The following PTPRN2 variants were observed in gnomAD, a reference collection of about 807,000 sequenced individuals.
PTPRN2 encodes protein tyrosine phosphatase receptor type N2.
PTPRN2 carries 74 observed loss-of-function variants against 118.8 expected under a neutral mutation model. The observed-to-expected ratio is 0.62, with a 90% CI of 0.52 to 0.76. PTPRN2 has a LOEUF of 0.76. Among genes scored for constraint, PTPRN2 ranks in the 30% least tolerant of loss-of-function variants. PTPRN2 has a pLI of 0.00. For missense variants in PTPRN2, 1,481 were observed against 1,394.4 expected (o/e 1.06, Z -0.99); for synonymous variants, 641 against 608.0 (o/e 1.05, Z -0.80).
At chr7:157,642,825 A>AAAAAAC (rs1182238298) in intron 14 of PTPRN2, among the ~76,000 whole-genome samples, 50 of 137,962 alleles carry the variant, frequency 3.6e-4, no homozygotes, top group Admixed American at 5.7e-4. Flanking sequence ...AAAAAAAAAA[A>AAAAAAC]AAAAAAAAAA....
At chr7:158,428,418 C>G (rs1815915614) in intron 2 of PTPRN2, among the ~76,000 whole-genome samples, 3 of 152,160 alleles carry the variant, frequency 2.0e-5, no homozygotes, top group Non-Finnish European at 2.9e-5. Context: ...TGCCACCGCA[C>G]AGAAACTGCA....
At chr7:158,111,265 T>C (rs533700778) in intron 9 of PTPRN2, among the ~76,000 whole-genome samples, 2 of 152,260 alleles carry the variant, frequency 1.3e-5, no homozygotes, top group African/African-American at 4.8e-5. Context: ...GGAGAAAGCA[T>C]CTGTTTTTAA....
At chr7:158,146,707 C>T (rs184314080) in intron 6 of PTPRN2, among the ~76,000 whole-genome samples, 7,630 of 132,598 alleles carry the variant, frequency 0.058, 534 homozygotes, top group African/African-American at 0.11. Flanking sequence ...GGCGACAGAG[C>T]GAGACTCTGC....
chr7:157,779,651 C>T lies in PTPRN2; in HGVS notation c.1789-96714G>A, dbSNP rs1259810366. On this transcript the variant is annotated intron_variant, in intron 12 of 22. Transcript: ENST00000389418. This position sits in a 1 kb window ranked among gnomAD's most constrained non-coding sequence, Gnocchi z 4.7. ...GAGTCTCCGAAGCACAAAGGCTGAC[C>T]CTAGACTCTGGCCAGGACGAGCTGG... 6.6e-6 allele frequency among the ~76,000 whole-genome samples: 1 copy of T among 152,166 alleles called. No homozygotes were observed. Among genetic ancestry groups the T allele is most frequent in the Non-Finnish European group, 1.5e-5 (1 of 68,032 alleles).
chr7:158,331,222 G>C (rs1289667658), intron 2 of PTPRN2, among the ~76,000 whole-genome samples: 1 of 126,502 alleles, frequency 7.9e-6, no homozygotes, highest in Non-Finnish European at 1.7e-5. Flanking sequence ...CTCACCATAA[G>C]AGCTGACGCC....
At chr7:157,951,660 C>CT (rs771124329) in intron 11 of PTPRN2, among the ~76,000 whole-genome samples, 1 of 152,232 alleles carries the variant, frequency 6.6e-6, no homozygotes, top group Non-Finnish European at 1.5e-5. Context: ...GCTAACGTCC[C>CT]TCCGCTTCCG....
chr7:158,395,785 GGCGAGGGGTGAGGC>G lies in PTPRN2; in HGVS notation c.164-78867_164-78854del, dbSNP rs1363259768. ...GAGGGGCGAGGGGTGAGGCGCGAGG[GGCGAGGGGTGAGGC>G]GCGAGGGGCGAGGGGCGAGGGCTCC... On this transcript the variant is annotated intron_variant, in intron 2 of 22. Transcript: ENST00000389418. Among the ~76,000 whole-genome samples the G allele has an allele frequency of 2.3e-4, 32 of 138,232 alleles. 2 individuals carry two copies. The highest frequency in any genetic ancestry group is 1.1e-4 in the Non-Finnish European group (7 of 61,352). The allele number at this position is 138,232 out of a possible 152,430, so 90.7% of individuals were successfully genotyped here. A position where few individuals can be genotyped will look rare whatever the true frequency, so the allele number is the denominator to read the frequency against.
chr7:157,697,759 G>A (rs1797871045), intron 12 of PTPRN2, among the ~76,000 whole-genome samples: 1 of 142,678 alleles, frequency 7.0e-6, no homozygotes, highest in Non-Finnish European at 1.5e-5. Flanking sequence ...GTCTACCCAT[G>A]CATACTGGAT....
chr7:157,733,314 C>G (rs376204306), intron 12 of PTPRN2, among the ~76,000 whole-genome samples: 2 of 13,516 alleles, frequency 1.5e-4, no homozygotes, highest in South Asian at 3.1e-3. Flanking sequence ...TCCCGTCCCA[C>G]GCGCCCAGCA....
At chr7:158,387,578 G>GCACTCT (rs1811576905) in intron 2 of PTPRN2, among the ~76,000 whole-genome samples, 5 of 16,916 alleles carry the variant, frequency 3.0e-4, no homozygotes, top group Non-Finnish European at 4.7e-4. Context: ...TGTCAGCTCA[G>GCACTCT]CTTGGCCCGG....
intron 2 of PTPRN2, among the ~76,000 whole-genome samples, chr7:158,456,666 C>G (rs1300422715): frequency 6.6e-6 from 1 of 152,280 alleles, no homozygotes; most frequent in Admixed American, 6.5e-5. Context: ...TTCACTCCAT[C>G]CGTCTCCCCT....
At chr7:157,669,476 C>G in intron 13 of PTPRN2, 1 of 466,074 alleles carries the variant, frequency 2.1e-6, no homozygotes, top group South Asian at 1.5e-5. Context: ...GCGCCCAAGC[C>G]AGGGCCACAG....
At chr7:158,457,106 G>A (rs933690775) in intron 2 of PTPRN2, among the ~76,000 whole-genome samples, 5 of 152,098 alleles carry the variant, frequency 3.3e-5, no homozygotes, top group Non-Finnish European at 5.9e-5. Flanking sequence ...TCCATCATAC[G>A]TCTACACAGC....
chr7:157,644,216 A>G (rs958695545), intron 14 of PTPRN2, among the ~76,000 whole-genome samples: 4 of 152,250 alleles, frequency 2.6e-5, no homozygotes, highest in Admixed American at 1.3e-4. Flanking sequence ...GGTCCTGAGA[A>G]GACAGAGCAG....
chr7:158,110,942 C>A, intron 9 of PTPRN2, 27 bp from the exon 10 acceptor site: 2 of 1,531,294 alleles, frequency 1.3e-6, no homozygotes, highest in South Asian at 2.4e-5. Context: ...GGATGGGGAG[C>A]AGTCACCACA....
At chr7:157,639,366 G>A (rs1484939489) in intron 14 of PTPRN2, among the ~76,000 whole-genome samples, 1 of 152,172 alleles carries the variant, frequency 6.6e-6, no homozygotes, top group Non-Finnish European at 1.5e-5. Flanking sequence ...ACACACAGTT[G>A]GTTCTTGGAG....
chr7:157,852,831 T>C (rs1430478444), intron 12 of PTPRN2, among the ~76,000 whole-genome samples: 1 of 134,444 alleles, frequency 7.4e-6, no homozygotes, highest in African/African-American at 2.9e-5. Flanking sequence ...ATCGCACCAC[T>C]GCACTCCAGC....
intron 11 of PTPRN2, among the ~76,000 whole-genome samples, chr7:158,058,349 C>T (rs1470194335): frequency 6.9e-6 from 1 of 145,224 alleles, no homozygotes; most frequent in African/African-American, 2.7e-5. Flanking sequence ...AGCCACGCTC[C>T]ATCTGCCCAC....
At chr7:157,574,451 GT>G in intron 19 of PTPRN2, 1 of 524,542 alleles carries the variant, frequency 1.9e-6, no homozygotes, top group Non-Finnish European at 4.0e-6. Context: ...GGGTTTGTCC[GT>G]TTTACCGTGA....
Sources: gnomAD v4.1 joint callset for allele counts (sites outside exome capture counted in the v4.1 genomes callset) on GRCh38, gnomAD v4.1.1 for gene constraint, Gnocchi (gnomAD v3.1) non-coding constraint, MANE v1.5 for transcripts, NCBI Gene and HGNC (gene_info 2026-07-23, HGNC 2026-07-21) for gene names.